Variants in PRKG1 observed in about 807,000 individuals in gnomAD.
PRKG1 encodes the protein protein kinase cGMP-dependent 1, also known as cGMP-dependent protein kinase 1.
A neutral mutation model predicts 88.1 loss-of-function variants in PRKG1; 35 were observed. The ratio of observed to expected loss-of-function variants is 0.40; its 90% CI spans 0.30 to 0.53. The LOEUF (loss-of-function observed/expected upper bound fraction) is 0.53, where lower values mean the gene tolerates loss of function less well. Among genes scored for constraint, PRKG1 ranks in the 20% least tolerant of loss-of-function variants. The pLI is 0.59. For synonymous variants in PRKG1, 303 were observed against 292.5 expected, an observed-to-expected ratio of 1.04 and a Z score of -0.37; for missense variants, 540 against 839.8, an observed-to-expected ratio of 0.64 and a Z score of 4.41.
chr10:51,046,046 T>C (rs1843484514), intron 1 of PRKG1, among the ~76,000 whole-genome samples: 1 of 152,190 alleles, frequency 6.6e-6, no homozygotes, highest in Non-Finnish European at 1.5e-5. Flanking sequence ...TCAAAGTTAG[T>C]AGATAGCGCC....
chr10:52,287,556 A>G (rs16928959), intron 14 of PRKG1, among the ~76,000 whole-genome samples: 3,956 of 152,186 alleles, frequency 0.026, 140 homozygotes, highest in African/African-American at 0.087. Flanking sequence ...TAAAGAGAGT[A>G]ATTAATTTCC....
At chr10:51,782,393 T>C (rs1229739122) in intron 3 of PRKG1, among the ~76,000 whole-genome samples, 1 of 152,134 alleles carries the variant, frequency 6.6e-6, no homozygotes, top group African/African-American at 2.4e-5. Flanking sequence ...ATACAGGTAA[T>C]GTTTATTTAA....
rs987320125 is a variant in PRKG1 at position 51,535,334 on chromosome 10, A to G, written c.592+67498A>G. 2.0e-5 allele frequency among the ~76,000 whole-genome samples: 3 copies of G among 152,306 alleles called. No homozygotes were observed. In the East Asian group the frequency reaches 5.8e-4, roughly 29 times the overall value. ...TGTTTCCTAGTCATAAAAATTGCCA[A>G]GGTAGAATATAACAAAAATGACATT... On this transcript the variant is annotated intron_variant, in intron 3 of 17. Transcript: ENST00000373980.
At chr10:51,414,585 G>A (rs1838187977) in intron 2 of PRKG1, among the ~76,000 whole-genome samples, 1 of 152,142 alleles carries the variant, frequency 6.6e-6, no homozygotes, top group South Asian at 2.1e-4. Context: ...CTGTTTAGCA[G>A]CTCGTGGTAA....
chr10:51,835,697 A>G (rs948847807), intron 4 of PRKG1, among the ~76,000 whole-genome samples: 5 of 152,166 alleles, frequency 3.3e-5, no homozygotes, highest in Non-Finnish European at 5.9e-5. Context: ...TGAACATGGG[A>G]GTGCAGACAT....
intron 3 of PRKG1, among the ~76,000 whole-genome samples, chr10:51,619,174 A>G (rs554698639): frequency 2.0e-5 from 3 of 152,170 alleles, no homozygotes; most frequent in Admixed American, 6.5e-5. Flanking sequence ...GAGCAGAGAA[A>G]GGGATTGGTT....
At position 51,515,910 on chromosome 10, in the gene PRKG1, C is replaced by T. The variant is rs10219079; in HGVS notation, c.592+48074C>T. 3.4e-3 allele frequency among the ~76,000 whole-genome samples: 516 copies of T among 152,230 alleles called. 3 individuals are homozygous for T. The highest frequency in any genetic ancestry group is 0.012 in the African/African-American group (486 of 41,526). ...GTGTCCAGGTGGGATGCTAAGGCCC[C>T]GGAGGGTGTGTTAAAATGCTCTCTT... On this transcript the variant is annotated intron_variant, in intron 3 of 17. Coordinates refer to ENST00000373980, the MANE Select transcript of PRKG1 (RefSeq NM_006258.4).
intron 4 of PRKG1, among the ~76,000 whole-genome samples, chr10:51,824,023 A>C (rs976604212): frequency 6.6e-6 from 1 of 151,838 alleles, no homozygotes; most frequent in Non-Finnish European, 1.5e-5. Context: ...ACATGTGTGC[A>C]CCACCATGCC....
chr10:52,298,313 C>T lies in PRKG1; in HGVS notation c.*4413C>T, dbSNP rs1185708797. 1 of 151,118 alleles carries T rather than the reference C, an allele frequency of 6.6e-6. No homozygotes were observed. Among genetic ancestry groups the T allele is most frequent in the Admixed American group, 6.6e-5 (1 of 15,072 alleles). The allele number at this position is 151,118 out of a possible 1,614,324, so 9.4% of individuals were successfully genotyped here. ...GTAATTGCTGAGTGCCTGTTGTATA[C>T]TTTATAGAGTTGAAATAAAAAAATA... On this transcript the variant is annotated 3_prime_UTR_variant, in exon 18 of 18. Coordinates refer to ENST00000373980, the MANE Select transcript of PRKG1 (RefSeq NM_006258.4).
At chr10:52,001,729 C>T (rs1399705568) in intron 5 of PRKG1, among the ~76,000 whole-genome samples, 1 of 151,828 alleles carries the variant, frequency 6.6e-6, no homozygotes, top group South Asian at 2.1e-4. Flanking sequence ...TAACCTCTAC[C>T]ACCATTGTTT....
At chr10:52,082,985 G>A (rs1201728802) in intron 7 of PRKG1, among the ~76,000 whole-genome samples, 1 of 151,974 alleles carries the variant, frequency 6.6e-6, no homozygotes, top group Non-Finnish European at 1.5e-5. Context: ...ATATTTGCAG[G>A]AAAAAAATAC....
intron 3 of PRKG1, among the ~76,000 whole-genome samples, chr10:51,699,885 C>T (rs1841419234): frequency 2.0e-5 from 3 of 152,238 alleles, no homozygotes; most frequent in Admixed American, 2.0e-4. Context: ...GCCGCATAGA[C>T]TTCACCGTAG....
At chr10:51,469,742 A>T (rs1465993748) in intron 3 of PRKG1, among the ~76,000 whole-genome samples, 1 of 151,870 alleles carries the variant, frequency 6.6e-6, no homozygotes. Flanking sequence ...ACAGACTCAG[A>T]GAAAGCTCAA....
chr10:51,050,609 T>C (rs974125069), intron 1 of PRKG1, among the ~76,000 whole-genome samples: 1 of 152,220 alleles, frequency 6.6e-6, no homozygotes, highest in African/African-American at 2.4e-5. Context: ...TAAATAATGC[T>C]GCAATAAACA....
chr10:52,283,835 A>G (rs1024992602), intron 14 of PRKG1, among the ~76,000 whole-genome samples: 1 of 152,090 alleles, frequency 6.6e-6, no homozygotes, highest in African/African-American at 2.4e-5. Flanking sequence ...TGTGCTTAGA[A>G]TTGCTATAAG....
intron 3 of PRKG1, among the ~76,000 whole-genome samples, chr10:51,472,949 A>T (rs919043665): frequency 6.6e-6 from 1 of 151,928 alleles, no homozygotes; most frequent in Non-Finnish European, 1.5e-5. Flanking sequence ...GACACAAATT[A>T]AGTTTGGGCC....
At chr10:51,763,869 A>T (rs145966588) in intron 3 of PRKG1, among the ~76,000 whole-genome samples, 3 of 152,328 alleles carry the variant, frequency 2.0e-5, no homozygotes, top group African/African-American at 7.2e-5. Context: ...GCAGGACATC[A>T]CATGGTGAGG....
intron 4 of PRKG1, among the ~76,000 whole-genome samples, chr10:51,818,485 G>C (rs1250594724): frequency 6.6e-6 from 1 of 152,016 alleles, no homozygotes; most frequent in Non-Finnish European, 1.5e-5. Flanking sequence ...CTTCTTTATA[G>C]CCTTTGTTAG....
chr10:52,120,296 C>T (rs531015414), intron 7 of PRKG1, among the ~76,000 whole-genome samples: 1 of 152,154 alleles, frequency 6.6e-6, no homozygotes, highest in Non-Finnish European at 1.5e-5. Context: ...CCATCAAATT[C>T]TGTGCATGCC....
Sources: allele counts gnomAD v4.1 joint callset (sites outside exome capture counted in the v4.1 genomes callset), GRCh38; gene constraint gnomAD v4.1.1; transcripts MANE v1.5; gene names NCBI Gene and HGNC (gene_info 2026-07-23, HGNC 2026-07-21).